Variants in ZAR1L observed in about 807,000 individuals in gnomAD.
The protein encoded by ZAR1L is zygote arrest 1 like.
A neutral mutation model predicts 30.0 loss-of-function variants in ZAR1L; 16 were observed. That is an observed-to-expected ratio of 0.53 (90% CI 0.36 to 0.81). The LOEUF is 0.81. Among genes scored for constraint, ZAR1L ranks in the 30% least tolerant of loss-of-function variants. The probability of loss-of-function intolerance (pLI) is 0.00; values close to 1 mark genes in which losing one functional copy is unlikely to be tolerated. For synonymous variants in ZAR1L, 197 were observed against 166.8 expected, an observed-to-expected ratio of 1.18 and a Z score of -1.40; for missense variants, 392 against 417.2, an observed-to-expected ratio of 0.94 and a Z score of 0.53.
chr13:32,306,246 G>A (rs2072173953), intron 5 of ZAR1L, among the ~76,000 whole-genome samples: 1 of 152,172 alleles, frequency 6.6e-6, no homozygotes, highest in African/African-American at 2.4e-5. Flanking sequence ...AAGCACATAA[G>A]AGACAGAAAG....
At chr13:32,310,391 A>G (rs1288140925) in intron 4 of ZAR1L, among the ~76,000 whole-genome samples, 1 of 152,258 alleles carries the variant, frequency 6.6e-6, no homozygotes, top group Non-Finnish European at 1.5e-5. Context: ...GTAGACAAGA[A>G]CAAAAGTTCA....
chr13:32,315,061 T>C (rs1202659045), intron 1 of ZAR1L, among the ~76,000 whole-genome samples: 1 of 152,070 alleles, frequency 6.6e-6, no homozygotes, highest in Non-Finnish European at 1.5e-5. Flanking sequence ...AGTGAAGTCA[T>C]CCACAACCAC....
At chr13:32,309,305 T>C (rs2072197432) in intron 4 of ZAR1L, among the ~76,000 whole-genome samples, 1 of 152,152 alleles carries the variant, frequency 6.6e-6, no homozygotes, top group Non-Finnish European at 1.5e-5. Context: ...ATAATACGAT[T>C]AATACTTACT....
Position 32,311,262 on chromosome 13 carries a change from G to T in ZAR1L, c.654+10C>A. On this transcript the variant is annotated intron_variant, in intron 3 of 5. Coordinates refer to ENST00000533490, the MANE Select transcript of ZAR1L (RefSeq NM_001136571.2). ...GGTCGAGGACTAAGAAGAGGGAAGAGAGGATCTACCTGGAAGTTGGGCCTC... is the reference window on the plus strand; with the variant it reads ...GGTCGAGGACTAAGAAGAGGGAAGATAGGATCTACCTGGAAGTTGGGCCTC... 6.5e-7 allele frequency: 1 copy of T among 1,542,280 alleles called. No individual in the cohort carries two copies. Among genetic ancestry groups the T allele is most frequent in the Admixed American group, 2.0e-5 (1 of 50,074 alleles).
intron 5 of ZAR1L, among the ~76,000 whole-genome samples, chr13:32,307,494 G>C: frequency 1.4e-5 from 1 of 70,480 alleles, no homozygotes; most frequent in Non-Finnish European, 2.3e-5. Flanking sequence ...GCAAGAGTCT[G>C]TCTCAAAAAA....
chr13:32,311,736 T>C lies in ZAR1L; in HGVS notation c.190A>G (p.Lys64Glu). Reference sequence around the variant, plus strand: ...AGAATGGCCTTAAGCTGCGCCCTCTTGTAAGGGTCAATGCAGTAGTCAGGG... The same window carrying C: ...AGAATGGCCTTAAGCTGCGCCCTCTCGTAAGGGTCAATGCAGTAGTCAGGG... ...NAPDYCIDPY[K>E]RAQLKAILSQ... Residue 64 changes from lysine to glutamate, a missense_variant, in exon 3 of 6, where the codon AAG becomes GAG. By Grantham distance (56) the Lys-to-Glu change is moderately conservative. Transcript: ENST00000533490. The C allele has an allele frequency of 6.4e-7, 1 of 1,551,676 alleles. No homozygotes were observed. Among genetic ancestry groups the C allele is most frequent in the Non-Finnish European group, 8.7e-7 (1 of 1,146,992 alleles).
intron 5 of ZAR1L, among the ~76,000 whole-genome samples, chr13:32,304,413 G>C (rs1246238539): frequency 1.3e-5 from 2 of 152,190 alleles, no homozygotes; most frequent in Non-Finnish European, 2.9e-5. Context: ...CAGATGTTTA[G>C]ATTTGTAGGC....
intron 2 of ZAR1L, among the ~76,000 whole-genome samples, chr13:32,312,859 CAGAG>C (rs1401699974): frequency 6.6e-6 from 1 of 152,070 alleles, no homozygotes; most frequent in Admixed American, 6.6e-5. Context: ...GTCTGGGCAA[CAGAG>C]AGAGAAAGAC....
At position 32,308,766 on chromosome 13, in the gene ZAR1L, G is replaced by C; in HGVS notation, c.748-6C>G. The C allele has an allele frequency of 2.6e-6, 4 of 1,527,712 alleles. No individual in the cohort carries two copies. Among genetic ancestry groups the C allele is most frequent in the Non-Finnish European group, 8.8e-7 (1 of 1,132,722 alleles). The allele number at this position is 1,527,712 out of a possible 1,614,324, so 94.6% of individuals were successfully genotyped here. On this transcript the variant is annotated splice_polypyrimidine_tract_variant and splice_region_variant and intron_variant, in intron 4 of 5. Transcript: ENST00000533490. ...CAGAGTTGTTTGAAATAAACCTAAA[G>C]AGAAATATGTTTTTTTTTAATACAA... is the stretch of plus-strand genomic sequence containing the variant.
In ZAR1L at chr13:32,311,639, C is replaced by G; in HGVS notation, c.287G>C (p.Ser96Thr). The change falls in exon 3 of 6, where the codon AGC becomes ACC. Residue 96 changes from serine to threonine, a missense_variant. Transcript: ENST00000533490. ...PNTKEVGVQV[S>T]PRVDKAVQCS... Reference sequence around the variant, plus strand: ...CTGCACAGCCTTGTCCACCCGCGGGCTCACCTGCACGCCCACCTCCTTGGT... The same window carrying G: ...CTGCACAGCCTTGTCCACCCGCGGGGTCACCTGCACGCCCACCTCCTTGGT... The G allele has an allele frequency of 1.3e-6, 2 of 1,551,264 alleles. No homozygotes were observed. The highest frequency in any genetic ancestry group is 1.2e-5 in the South Asian group (1 of 84,060).
chr13:32,306,561 T>C (rs1323589771), intron 5 of ZAR1L, among the ~76,000 whole-genome samples: 2 of 152,252 alleles, frequency 1.3e-5, no homozygotes, highest in East Asian at 3.9e-4. Flanking sequence ...AACAATGAAA[T>C]TCAGATCCTT....
At chr13:32,304,558 T>C (rs2072160369) in intron 5 of ZAR1L, among the ~76,000 whole-genome samples, 1 of 152,196 alleles carries the variant, frequency 6.6e-6, no homozygotes, top group African/African-American at 2.4e-5. Context: ...TGAATATATT[T>C]TGGGTTGTTA....
chr13:32,311,206 A>G (rs1185965175), intron 3 of ZAR1L, 66 bp downstream of exon 3: 1 of 1,458,056 alleles, frequency 6.9e-7, no homozygotes, highest in Non-Finnish European at 9.0e-7. Flanking sequence ...TATTGCCCCC[A>G]TAGATGGAAA....
At chr13:32,310,797 G>A in intron 3 of ZAR1L, 66 bp from the exon 4 acceptor site, 5 of 1,057,680 alleles carry the variant, frequency 4.7e-6, no homozygotes, top group Non-Finnish European at 7.1e-6. Context: ...CCTTCTTTAT[G>A]ACTTTGTATA....
intron 5 of ZAR1L, among the ~76,000 whole-genome samples, chr13:32,306,294 A>G (rs1204107015): frequency 1.3e-5 from 2 of 152,226 alleles, no homozygotes; most frequent in East Asian, 3.8e-4. Context: ...TAATTGGAAG[A>G]AAGAAGGAAT....
rs976290335 is a variant in ZAR1L, at chr13:32,314,274, T to G, written c.-169+56A>C. 3.9e-5 allele frequency: 6 copies of G among 152,340 alleles called. No homozygotes were observed. The East Asian group carries it at 5.8e-4, about 15-fold the overall frequency. The allele number at this position is 152,340 out of a possible 1,614,324, so 9.4% of individuals were successfully genotyped here. A position where few individuals can be genotyped will look rare whatever the true frequency, so the allele number is the denominator to read the frequency against. On this transcript the variant is annotated intron_variant, in intron 2 of 5. Coordinates refer to ENST00000533490, the MANE Select transcript of ZAR1L (RefSeq NM_001136571.2). ...CATTAGTAAGGCCTCCTTCTACAAC[T>G]AAGGATTACTGATTATCAAACTAAA...
At chr13:32,310,811 A>T (rs2072206916) in intron 3 of ZAR1L, 80 bp from the exon 4 acceptor site, 1 of 885,928 alleles carries the variant, frequency 1.1e-6, no homozygotes, top group African/African-American at 1.7e-5. Context: ...TTGTATAAGG[A>T]AAAAAAAATG....
intron 4 of ZAR1L, 116 bp from the exon 5 acceptor site, chr13:32,308,876 C>T (rs1332695690): frequency 1.5e-6 from 1 of 682,554 alleles, no homozygotes; most frequent in African/African-American, 1.8e-5. Flanking sequence ...TCTACCCTTG[C>T]CTTGCCTTTT....
chr13:32,305,175 T>G (rs206140), intron 5 of ZAR1L, among the ~76,000 whole-genome samples: 57,507 of 151,996 alleles, frequency 0.38, 11,082 homozygotes, highest in East Asian at 0.49. Flanking sequence ...TCTTAAACAT[T>G]ATTTAATAAA....
Sources: allele counts gnomAD v4.1 joint callset (sites outside exome capture counted in the v4.1 genomes callset), GRCh38; gene constraint gnomAD v4.1.1; transcripts MANE v1.5; gene names NCBI Gene and HGNC (gene_info 2026-07-23, HGNC 2026-07-21).